CNTNAP3: variants seen among roughly 807,000 people sequenced by gnomAD.
CNTNAP3 encodes the protein contactin associated protein family member 3, also known as contactin-associated protein-like 3.
Under a neutral mutation model 92.1 loss-of-function variants are expected in CNTNAP3, and 36 were observed. The ratio of observed to expected loss-of-function variants is 0.39; its 90% CI spans 0.30 to 0.52. CNTNAP3 has a LOEUF of 0.52. Ranked by LOEUF, CNTNAP3 falls within the 20% of genes least tolerant of loss-of-function variation. The probability of loss-of-function intolerance (pLI) is 0.76; values close to 1 mark genes in which losing one functional copy is unlikely to be tolerated. For missense variants in CNTNAP3, 534 were observed against 1,069.6 expected (o/e 0.50, Z 6.98); for synonymous variants, 232 against 422.3 (o/e 0.55, Z 5.53).
chr9:39,114,015 CATAT>C (rs1324122397), intron 14 of CNTNAP3, among the ~76,000 whole-genome samples: 6 of 146,534 alleles, frequency 4.1e-5, no homozygotes, highest in African/African-American at 1.3e-4. Flanking sequence ...TATATACACA[CATAT>C]ATATACACAC....
intron 9 of CNTNAP3, among the ~76,000 whole-genome samples, chr9:39,161,718 C>T (rs550188329): frequency 3.0e-5 from 4 of 132,188 alleles, no homozygotes; most frequent in Non-Finnish European, 4.8e-5. Flanking sequence ...TGTGGTGGCA[C>T]GTGCCTGTAG....
chr9:39,100,154 C>A lies in CNTNAP3; in HGVS notation c.2756-4G>T. ...CTCTGTCTGGTGGCCGTTCCACCTA[C>A]AACGGAAACACTGCAAATAGAAATG... On this transcript the variant is annotated splice_region_variant and splice_polypyrimidine_tract_variant and intron_variant, in intron 17 of 23. Coordinates refer to ENST00000297668, the MANE Select transcript of CNTNAP3 (RefSeq NM_033655.5). 6.4e-7 allele frequency: 1 copy of A among 1,574,084 alleles called. No individual in the cohort carries two copies. Among genetic ancestry groups the A allele is most frequent in the Non-Finnish European group, 8.6e-7 (1 of 1,156,860 alleles).
At chr9:39,105,707 G>C (rs962995917) in intron 15 of CNTNAP3, among the ~76,000 whole-genome samples, 8 of 151,994 alleles carry the variant, frequency 5.3e-5, no homozygotes, top group Non-Finnish European at 8.8e-5. Flanking sequence ...TCTGGAATCA[G>C]CCATTTCTTC....
chr9:39,143,164 G>C (rs1821616602), intron 11 of CNTNAP3, among the ~76,000 whole-genome samples: 1 of 122,954 alleles, frequency 8.1e-6, no homozygotes, highest in South Asian at 2.6e-4. Context: ...CATGGCCTTT[G>C]AAATTCAGAG....
intron 14 of CNTNAP3, among the ~76,000 whole-genome samples, chr9:39,115,502 C>G (rs1333241228): frequency 8.1e-6 from 1 of 122,812 alleles, no homozygotes; most frequent in Non-Finnish European, 1.6e-5. Context: ...CATACACACC[C>G]CCACATTTAC....
Position 39,140,056 on chromosome 9 carries a change from C to A in CNTNAP3, c.1876+463G>T, listed in dbSNP as rs528292067. 574 of 155,184 alleles carry A rather than the reference C, an allele frequency of 3.7e-3. 2 individuals carry two copies. The highest frequency in any genetic ancestry group is 6.4e-3 in the Non-Finnish European group (452 of 70,180). The allele number at this position is 155,184 out of a possible 1,614,324, so 9.6% of individuals were successfully genotyped here. A position where few individuals can be genotyped will look rare whatever the true frequency, so the allele number is the denominator to read the frequency against. ...CACCATGCCCAGCCCAAGCAGTGTT[C>A]ATTTCTAATATCTAAAGCACGAGAA... On this transcript the variant is annotated intron_variant, in intron 12 of 23. Coordinates refer to ENST00000297668, the MANE Select transcript of CNTNAP3 (RefSeq NM_033655.5).
chr9:39,108,525 G>A (rs943435340), intron 15 of CNTNAP3, among the ~76,000 whole-genome samples: 4 of 152,092 alleles, frequency 2.6e-5, no homozygotes, highest in Admixed American at 6.5e-5. Context: ...ACTTCTCCAC[G>A]GCAATGTATG....
intron 14 of CNTNAP3, 91 bp downstream of exon 14, chr9:39,118,012 T>C (rs1172247720): frequency 6.3e-7 from 1 of 1,590,758 alleles, no homozygotes; most frequent in African/African-American, 1.3e-5. Context: ...TTAGTTACCT[T>C]ATTGTACCAG....
intron 14 of CNTNAP3, chr9:39,117,871 T>G: frequency 1.1e-6 from 1 of 939,384 alleles, no homozygotes; most frequent in Non-Finnish European, 1.5e-6. Context: ...CTGTTTCTCT[T>G]TTACGAAAAA....
In CNTNAP3 at chr9:39,144,094, A is replaced by G. The variant is rs992995873; in HGVS notation, c.1756+146T>C. 1.9e-5 allele frequency: 27 copies of G among 1,409,464 alleles called. No homozygotes were observed. In the African/African-American group the frequency reaches 3.6e-4, roughly 19 times the overall value. 87.3% of individuals were successfully genotyped at this position (1,409,464 alleles called of 1,614,324 possible). ...CAACACCTTGTATTAAATAAGGTGG[A>G]TTAAAAGTAAACTAGAAATTGAGTG... On this transcript the variant is annotated intron_variant, in intron 11 of 23. Coordinates refer to ENST00000297668, the MANE Select transcript of CNTNAP3 (RefSeq NM_033655.5).
At chr9:39,135,128 C>G (rs902655267) in intron 12 of CNTNAP3, among the ~76,000 whole-genome samples, 1 of 152,134 alleles carries the variant, frequency 6.6e-6, no homozygotes, top group Admixed American at 6.6e-5. Context: ...ACTCACTTCT[C>G]CTTATAATAT....
rs765217196 is a variant in CNTNAP3, at chr9:39,103,816, TA to T, written c.2463del (p.Phe821LeufsTer30). Reference sequence around the variant, plus strand: ...AACACCCCGGAGGAAACTGTGGTCTTAAAAAAGAAGCACACGTCAGCAGTGA... The same window carrying T: ...AACACCCCGGAGGAAACTGTGGTCTTAAAAAGAAGCACACGTCAGCAGTGA... ...GELTADVCFF[F>X]KTTVSSGVFM... On this transcript the variant is annotated frameshift_variant, in exon 16 of 24. Transcript: ENST00000297668. LOFTEE classifies it high-confidence loss of function. The T allele has an allele frequency of 6.2e-7, 1 of 1,611,190 alleles. No individual in the cohort carries two copies. Among genetic ancestry groups the T allele is most frequent in the East Asian group, 2.2e-5 (1 of 44,862 alleles).
rs557691636 is a variant in CNTNAP3 at position 39,149,949 on chromosome 9, T to C, written c.1506A>G (p.Gly502=). Residue 502 remains glycine (G), a synonymous_variant, in exon 10 of 24, where the codon GGA becomes GGG. Coordinates refer to ENST00000297668, the MANE Select transcript of CNTNAP3 (RefSeq NM_033655.5). ...GAAACCCTCCCAGGGGGCTTTTACA[T>C]CCAGAGCCAGAGCTGTTGTCCAGGC... ...GGCLDNSSGS[G]CKSPLGGFQG... is the part of the protein sequence containing the mutation. 6.2e-7 allele frequency: 1 copy of C among 1,611,766 alleles called. No homozygotes were observed. The highest frequency in any genetic ancestry group is 8.5e-7 in the Non-Finnish European group (1 of 1,179,760).
At position 39,248,524 on chromosome 9, in the gene CNTNAP3, A is replaced by AATAT. The variant is rs775541206; in HGVS notation, c.197-9342_197-9339dup. ...ATCTACTATGAATAATGTTGCTATG[A>AATAT]ATATATATATATATATATAAATTTT... On this transcript the variant is annotated intron_variant, in intron 2 of 23. Coordinates refer to ENST00000297668, the MANE Select transcript of CNTNAP3 (RefSeq NM_033655.5). 2.2e-4 allele frequency among the ~76,000 whole-genome samples: 8 copies of AATAT among 36,940 alleles called. 1 individual carries two copies. Among genetic ancestry groups the AATAT allele is most frequent in the African/African-American group, 2.7e-4 (3 of 10,938 alleles). The allele number at this position is 36,940 out of a possible 152,430, so 24.2% of individuals were successfully genotyped here.
At chr9:39,141,348 C>T (rs1294047421) in intron 11 of CNTNAP3, among the ~76,000 whole-genome samples, 1 of 152,054 alleles carries the variant, frequency 6.6e-6, no homozygotes, top group East Asian at 1.9e-4. Context: ...CCTTTGCTTC[C>T]TTTAAAACAA....
chr9:39,071,079 G>C lies in CNTNAP3; in HGVS notation c.*2811C>G, dbSNP rs1440610708. Among the ~76,000 whole-genome samples the C allele has an allele frequency of 6.6e-6, 1 of 152,176 alleles. No homozygotes were observed. Among genetic ancestry groups the C allele is most frequent in the African/African-American group, 2.4e-5 (1 of 41,456 alleles). On this transcript the variant is annotated 3_prime_UTR_variant, in exon 24 of 24. Transcript: ENST00000297668. ...GATTAGCTCTTACAACCTTATCTTTGTCTCATCTATAAAACTGAGGGAGCA... is the reference window on the plus strand; with the variant it reads ...GATTAGCTCTTACAACCTTATCTTTCTCTCATCTATAAAACTGAGGGAGCA...
chr9:39,108,267 G>A (rs1295959776), intron 15 of CNTNAP3, among the ~76,000 whole-genome samples: 1 of 151,976 alleles, frequency 6.6e-6, no homozygotes, highest in Non-Finnish European at 1.5e-5. Context: ...CAGGAGACAA[G>A]CCGGTCCCCC....
chr9:39,069,753 T>A lies in CNTNAP3; in HGVS notation c.*4137A>T, dbSNP rs1427752120. ...CACTTAAGTATACCAACTTAAACCG[T>A]GAGTGGCTGTTCTGACAACACATCA... On this transcript the variant is annotated 3_prime_UTR_variant, in exon 24 of 24. Transcript: ENST00000297668. Among the ~76,000 whole-genome samples, 1 of 152,310 alleles carries A rather than the reference T, an allele frequency of 6.6e-6. No individual in the cohort carries two copies. The highest frequency in any genetic ancestry group is 6.5e-5 in the Admixed American group (1 of 15,294).
chr9:39,149,354 TTG>T (rs1354755061), intron 10 of CNTNAP3, among the ~76,000 whole-genome samples: 2 of 151,436 alleles, frequency 1.3e-5, no homozygotes, highest in African/African-American at 2.4e-5. Context: ...GTTTTTGTTT[TTG>T]TTTTTTTTTT....
Sources: allele counts gnomAD v4.1 joint callset (sites outside exome capture counted in the v4.1 genomes callset), GRCh38; gene constraint gnomAD v4.1.1; transcripts MANE v1.5; gene names NCBI Gene and HGNC (gene_info 2026-07-23, HGNC 2026-07-21).